Variants in PPARA observed in about 807,000 individuals in gnomAD.
The protein encoded by PPARA is peroxisome proliferator-activated receptor alpha.
PPARA carries 22 observed loss-of-function variants against 42.2 expected under a neutral mutation model. That is an observed-to-expected ratio of 0.52 (90% CI 0.37 to 0.74). PPARA has a LOEUF of 0.74. PPARA is among the 30% of genes least tolerant of loss of function. The probability of loss-of-function intolerance (pLI) is 0.00; values close to 1 mark genes in which losing one functional copy is unlikely to be tolerated. For synonymous variants in PPARA, 242 were observed against 239.3 expected (o/e 1.01, Z -0.10); for missense variants, 465 against 608.2 (o/e 0.76, Z 2.48).
chr22:46,205,548 ATATATATTTT>A (rs1933196403), intron 4 of PPARA, among the ~76,000 whole-genome samples: 1 of 29,420 alleles, frequency 3.4e-5, no homozygotes, highest in African/African-American at 1.7e-4. Flanking sequence ...ATATATATAT[ATATATATTTT>A]TTTTTTTTTT....
intron 3 of PPARA, among the ~76,000 whole-genome samples, chr22:46,181,253 C>T (rs577270482): frequency 5.9e-5 from 9 of 152,168 alleles, no homozygotes; most frequent in South Asian, 2.1e-4. Context: ...GAGATGGTTC[C>T]GGGAGGGCCG....
At chr22:46,177,755 G>T (rs112962775) in intron 3 of PPARA, among the ~76,000 whole-genome samples, 3 of 151,784 alleles carry the variant, frequency 2.0e-5, no homozygotes, top group African/African-American at 7.3e-5. Context: ...AACCTCAAGC[G>T]TGTACCTGTT....
intron 7 of PPARA, among the ~76,000 whole-genome samples, chr22:46,226,869 A>G (rs1051247401): frequency 1.3e-5 from 2 of 152,148 alleles, no homozygotes; most frequent in Admixed American, 6.6e-5. Flanking sequence ...TCAAAAAAAG[A>G]AAACAGAAAA....
At position 46,242,643 on chromosome 22, in the gene PPARA, A is replaced by C. The variant is rs11704508; in HGVS notation, c.*7263A>C. 1.3e-5 allele frequency: 2 copies of C among 152,434 alleles called. No individual in the cohort carries two copies. The highest frequency in any genetic ancestry group is 6.5e-5 in the Admixed American group (1 of 15,274). The allele number at this position is 152,434 out of a possible 1,614,324, so 9.4% of individuals were successfully genotyped here. A position where few individuals can be genotyped will look rare whatever the true frequency, so the allele number is the denominator to read the frequency against. On this transcript the variant is annotated 3_prime_UTR_variant, in exon 9 of 9. Transcript: ENST00000407236. The surrounding 1 kb of genome is among the most constrained non-coding windows in gnomAD (Gnocchi z 6.1). ...TTGAAATCAGTGTTAATTGACTCAT[A>C]TTCTTAAAAGCCTGGCTCTTGACCC...
rs4253742 is a variant in PPARA at position 46,216,139 on chromosome 22, T to C, written c.369+806T>C. On this transcript the variant is annotated intron_variant, in intron 5 of 8. Coordinates refer to ENST00000407236, the MANE Select transcript of PPARA (RefSeq NM_005036.6). This position sits in a 1 kb window ranked among gnomAD's most constrained non-coding sequence, Gnocchi z 4.5. ...GGCTCACGCCTATAATCTCAGCACT[T>C]TGGGAGGCCGAGGCGGCTGGATCAC... 0.055 allele frequency among the ~76,000 whole-genome samples: 8,306 copies of C among 152,162 alleles called. 655 individuals carry two copies. Among genetic ancestry groups the C allele is most frequent in the African/African-American group, 0.18 (7,359 of 41,482 alleles).
Position 46,235,183 on chromosome 22 carries a change from A to G in PPARA, c.1210A>G (p.Ile404Val), listed in dbSNP as rs1415943477. ...VGHIEKMQEG[I>V]VHVLRLHLQS... Reference sequence around the variant, plus strand: ...ACACATTGAAAAAATGCAGGAGGGTATTGTACATGTGCTCAGACTCCACCT... The same window carrying G: ...ACACATTGAAAAAATGCAGGAGGGTGTTGTACATGTGCTCAGACTCCACCT... Residue 404 changes from isoleucine (I) to valine (V), a missense_variant, in exon 9 of 9, where the codon ATT (isoleucine) becomes GTT (valine). By Grantham distance (29) the Ile-to-Val change is conservative. Transcript: ENST00000407236. The surrounding 1 kb of genome is among the most constrained non-coding windows in gnomAD (Gnocchi z 7.0). The G allele has an allele frequency of 6.2e-7, 1 of 1,613,828 alleles. No individual in the cohort carries two copies. The highest frequency in any genetic ancestry group is 8.5e-7 in the Non-Finnish European group (1 of 1,179,772).
At position 46,197,828 on chromosome 22, in the gene PPARA, C is replaced by T. The variant is rs140065190; in HGVS notation, c.-42-514C>T. On this transcript the variant is annotated intron_variant, in intron 3 of 8. Transcript: ENST00000407236. The stretch of plus-strand genomic sequence containing the variant: ...CTGAGGCAGGAGAATTGCTTGAACC[C>T]GGGAGGTGGAGGTTGCAGTGAGCTG... Among the ~76,000 whole-genome samples, 1,226 of 151,894 alleles carry T rather than the reference C, an allele frequency of 8.1e-3. 16 individuals are homozygous for T. Among genetic ancestry groups the T allele is most frequent in the African/African-American group, 0.028 (1,168 of 41,428 alleles).
At position 46,184,225 on chromosome 22, in the gene PPARA, A is replaced by C. The variant is rs1930355272; in HGVS notation, c.-43+7389A>C. 6.6e-6 allele frequency among the ~76,000 whole-genome samples: 1 copy of C among 152,186 alleles called. No individual in the cohort carries two copies. Among genetic ancestry groups the C allele is most frequent in the East Asian group, 1.9e-4 (1 of 5,190 alleles). ...TATAAAACAATAATATTGCAGTGCA[A>C]ATTAAACACAAGCAACCTGCAACAC... On this transcript the variant is annotated intron_variant, in intron 3 of 8. Coordinates refer to ENST00000407236, the MANE Select transcript of PPARA (RefSeq NM_005036.6). This position sits in a 1 kb window ranked among gnomAD's most constrained non-coding sequence, Gnocchi z 4.4.
At position 46,198,604 on chromosome 22, in the gene PPARA, T is replaced by C. The variant is rs369368049; in HGVS notation, c.208+13T>C. On this transcript the variant is annotated intron_variant, in intron 4 of 8. Transcript: ENST00000407236. ...TCGGTCATCACGGGTAAGTGTGCCGTTTCCTAGAAAGTTTTATTTAGAAAT... is the reference window on the plus strand; with the variant it reads ...TCGGTCATCACGGGTAAGTGTGCCGCTTCCTAGAAAGTTTTATTTAGAAAT... 5.1e-5 allele frequency: 83 copies of C among 1,612,314 alleles called. No individual in the cohort carries two copies. The African/African-American group carries it at 9.5e-4, about 18-fold the overall frequency.
chr22:46,181,955 C>T (rs1930033208), intron 3 of PPARA, among the ~76,000 whole-genome samples: 1 of 152,250 alleles, frequency 6.6e-6, no homozygotes, highest in South Asian at 2.1e-4. Flanking sequence ...TCTCCTGCCT[C>T]AGCCTCCTGA....
rs1385345741 is a variant in PPARA at position 46,195,770 on chromosome 22, C to T, written c.-42-2572C>T. Among the ~76,000 whole-genome samples, 1 of 152,172 alleles carries T rather than the reference C, an allele frequency of 6.6e-6. No homozygotes were observed. The highest frequency in any genetic ancestry group is 1.5e-5 in the Non-Finnish European group (1 of 68,040). ...TTCCGTAATCACCATGTGATGACGG[C>T]TGCCCTGACAGTGGCTGGTAGCAGC... On this transcript the variant is annotated intron_variant, in intron 3 of 8. Transcript: ENST00000407236. This position sits in a 1 kb window ranked among gnomAD's most constrained non-coding sequence, Gnocchi z 4.6.
rs1224665376 is a variant in PPARA at position 46,236,580 on chromosome 22, T to C, written c.*1200T>C. Reference sequence around the variant, plus strand: ...AGACTGACACCTTACTTGTCAGTGTTCCTCCGGGCCCCATTTGGCAGCTCC... The same window carrying C: ...AGACTGACACCTTACTTGTCAGTGTCCCTCCGGGCCCCATTTGGCAGCTCC... On this transcript the variant is annotated 3_prime_UTR_variant, in exon 9 of 9. Transcript: ENST00000407236. This position sits in a 1 kb window ranked among gnomAD's most constrained non-coding sequence, Gnocchi z 5.2. 1 of 152,686 alleles carries C rather than the reference T, an allele frequency of 6.5e-6. No individual in the cohort carries two copies. The highest frequency in any genetic ancestry group is 6.5e-5 in the Admixed American group (1 of 15,286). 9.5% of individuals were successfully genotyped at this position (152,686 alleles called of 1,614,324 possible).
rs1931067364 is a variant in PPARA at position 46,188,180 on chromosome 22, C to T, written c.-42-10162C>T. 6.6e-6 allele frequency among the ~76,000 whole-genome samples: 1 copy of T among 152,212 alleles called. No individual in the cohort carries two copies. Among genetic ancestry groups the T allele is most frequent in the South Asian group, 2.1e-4 (1 of 4,826 alleles). On this transcript the variant is annotated intron_variant, in intron 3 of 8. Transcript: ENST00000407236. The surrounding 1 kb of genome is among the most constrained non-coding windows in gnomAD (Gnocchi z 5.0). ...GGCTGAGCTCAGCCCAATTTGCTGA[C>T]CCATAGAATTGTGAACAAATAAAAT...
chr22:46,197,088 C>T (rs191921436), intron 3 of PPARA, among the ~76,000 whole-genome samples: 23 of 151,584 alleles, frequency 1.5e-4, no homozygotes, highest in East Asian at 3.9e-4. Context: ...CTCACTCTGT[C>T]GCCCCGGCTA....
intron 1 of PPARA, 86 bp from the exon 2 acceptor site, chr22:46,151,802 C>G (rs890139408): frequency 1.3e-5 from 2 of 152,248 alleles, no homozygotes; most frequent in Non-Finnish European, 2.9e-5. Flanking sequence ...GCAGGGTCAG[C>G]ATGACTTTCC....
At position 46,180,708 on chromosome 22, in the gene PPARA, G is replaced by A. The variant is rs1286876945; in HGVS notation, c.-43+3872G>A. On this transcript the variant is annotated intron_variant, in intron 3 of 8. Coordinates refer to ENST00000407236, the MANE Select transcript of PPARA (RefSeq NM_005036.6). This position sits in a 1 kb window ranked among gnomAD's most constrained non-coding sequence, Gnocchi z 4.2. ...TCTTTGTTTGGTGCTCTGACTTTCT[G>A]GATGCAAGTCCACTGAGCCAGTGTA... Among the ~76,000 whole-genome samples, 1 of 152,136 alleles carries A rather than the reference G, an allele frequency of 6.6e-6. No individual in the cohort carries two copies. The highest frequency in any genetic ancestry group is 2.4e-5 in the African/African-American group (1 of 41,426).
In PPARA at chr22:46,203,681, G is replaced by A. The variant is rs1033663166; in HGVS notation, c.208+5090G>A. The stretch of plus-strand genomic sequence containing the variant: ...AAGCTAGAGGGGATCCTGCCAATGA[G>A]TTCCCAGCTCACAGACTGATTAGCA... On this transcript the variant is annotated intron_variant, in intron 4 of 8. Coordinates refer to ENST00000407236, the MANE Select transcript of PPARA (RefSeq NM_005036.6). The surrounding 1 kb of genome is among the most constrained non-coding windows in gnomAD (Gnocchi z 5.8). Among the ~76,000 whole-genome samples, 22 of 152,238 alleles carry A rather than the reference G, an allele frequency of 1.4e-4. No homozygotes were observed. The highest frequency in any genetic ancestry group is 1.0e-3 in the Admixed American group (16 of 15,288).
chr22:46,185,919 ATATAT>A (rs1930688232), intron 3 of PPARA, among the ~76,000 whole-genome samples: 1 of 9,776 alleles, frequency 1.0e-4, no homozygotes. Flanking sequence ...AAAAAAAAAT[ATATAT>A]ATATATATAT....
At chr22:46,215,756 G>GA (rs1178384992) in intron 5 of PPARA, among the ~76,000 whole-genome samples, 1 of 151,228 alleles carries the variant, frequency 6.6e-6, no homozygotes, top group African/African-American at 2.4e-5. Context: ...AAAAAAGAAA[G>GA]AAAAAAAGAA....
Sources: gnomAD v4.1 joint callset for allele counts (sites outside exome capture counted in the v4.1 genomes callset) on GRCh38, gnomAD v4.1.1 for gene constraint, Gnocchi (gnomAD v3.1) non-coding constraint, MANE v1.5 for transcripts, NCBI Gene and HGNC (gene_info 2026-07-23, HGNC 2026-07-21) for gene names.